Variants in CDH13 observed in about 807,000 individuals in gnomAD.
CDH13 encodes cadherin-13.
A neutral mutation model predicts 63.8 loss-of-function variants in CDH13; 24 were observed. That is an observed-to-expected ratio of 0.38 (90% CI 0.27 to 0.53). The LOEUF is 0.53. CDH13 is among the 20% of genes least tolerant of loss of function. The probability of loss-of-function intolerance (pLI) is 0.85; values close to 1 mark genes in which losing one functional copy is unlikely to be tolerated. For missense variants in CDH13, 1,049 were observed against 903.1 expected, an observed-to-expected ratio of 1.16 and a Z score of -2.07; for synonymous variants, 503 against 355.3, an observed-to-expected ratio of 1.42 and a Z score of -4.67.
At chr16:83,377,328 C>T (rs2091477908) in intron 6 of CDH13, among the ~76,000 whole-genome samples, 1 of 152,162 alleles carries the variant, frequency 6.6e-6, no homozygotes, top group Admixed American at 6.5e-5. Flanking sequence ...ACATCTGGCC[C>T]ACACCCAGCC....
At chr16:83,051,398 C>G (rs1442221605) in intron 3 of CDH13, among the ~76,000 whole-genome samples, 2 of 152,156 alleles carry the variant, frequency 1.3e-5, no homozygotes, top group African/African-American at 4.8e-5. Context: ...TCAGTAAAAC[C>G]AATAACTCTT....
At chr16:83,645,863 C>A (rs988484077) in intron 8 of CDH13, among the ~76,000 whole-genome samples, 15 of 152,116 alleles carry the variant, frequency 9.9e-5, no homozygotes, top group African/African-American at 3.4e-4. Flanking sequence ...TCAAAAAGAT[C>A]CTTCATCATA....
chr16:83,458,489 A>G (rs899131251), intron 6 of CDH13, among the ~76,000 whole-genome samples: 2 of 152,154 alleles, frequency 1.3e-5, no homozygotes, highest in Non-Finnish European at 2.9e-5. Flanking sequence ...TTGTTTTGAT[A>G]TGATTTTACA....
chr16:83,785,916 T>C (rs1374130365), intron 13 of CDH13, among the ~76,000 whole-genome samples: 1 of 152,136 alleles, frequency 6.6e-6, no homozygotes, highest in African/African-American at 2.4e-5. Context: ...TCTAACAGTG[T>C]CCTCCAATCT....
chr16:83,125,357 TAATC>T (rs755508562), intron 3 of CDH13, 24 bp from the exon 4 acceptor site: 1 of 1,227,710 alleles, frequency 8.1e-7, no homozygotes, highest in Admixed American at 1.8e-5. Flanking sequence ...TGGGAGATTT[TAATC>T]AATCCTTTTG....
intron 5 of CDH13, among the ~76,000 whole-genome samples, chr16:83,277,166 G>C (rs1236037261): frequency 3.3e-5 from 5 of 152,106 alleles, no homozygotes; most frequent in Non-Finnish European, 7.3e-5. Flanking sequence ...TGGATTCATT[G>C]GTACCTGTCT....
At chr16:82,727,615 C>T (rs2033171365) in intron 1 of CDH13, 3 of 152,270 alleles carry the variant, frequency 2.0e-5, no homozygotes, top group Admixed American at 2.0e-4. Context: ...TTCTTTCCCT[C>T]CTTGCTCATA....
chr16:82,684,362 C>G (rs1342743806), intron 1 of CDH13, among the ~76,000 whole-genome samples: 1 of 152,130 alleles, frequency 6.6e-6, no homozygotes, highest in African/African-American at 2.4e-5. Context: ...CATCATGTGT[C>G]TACAGCTGGG....
chr16:83,766,965 T>A (rs960808634), intron 11 of CDH13, among the ~76,000 whole-genome samples: 1 of 152,150 alleles, frequency 6.6e-6, no homozygotes, highest in Admixed American at 6.5e-5. Flanking sequence ...GCCATGATTG[T>A]AAGTTTCCTG....
At chr16:83,401,722 A>T (rs2091970994) in intron 6 of CDH13, among the ~76,000 whole-genome samples, 1 of 152,214 alleles carries the variant, frequency 6.6e-6, no homozygotes, top group Admixed American at 6.5e-5. Flanking sequence ...GTGACTGGTA[A>T]GTAGCAGAGC....
At chr16:83,614,127 A>T (rs932618898) in intron 8 of CDH13, among the ~76,000 whole-genome samples, 1 of 152,156 alleles carries the variant, frequency 6.6e-6, no homozygotes, top group African/African-American at 2.4e-5. Flanking sequence ...ATATATGAAA[A>T]TGTTTAGAGA....
At chr16:83,408,710 G>A (rs1253213313) in intron 6 of CDH13, among the ~76,000 whole-genome samples, 2 of 152,200 alleles carry the variant, frequency 1.3e-5, no homozygotes, top group Non-Finnish European at 2.9e-5. Context: ...GAATGTAGTA[G>A]TTGTCATTTG....
At chr16:82,802,011 G>GT (rs975306028) in intron 1 of CDH13, among the ~76,000 whole-genome samples, 4 of 152,214 alleles carry the variant, frequency 2.6e-5, no homozygotes, top group African/African-American at 9.6e-5. Flanking sequence ...CCATGGGCGG[G>GT]TGGGGCTCAG....
intron 3 of CDH13, among the ~76,000 whole-genome samples, chr16:83,055,030 A>T (rs184487053): frequency 9.2e-5 from 14 of 152,210 alleles, no homozygotes; most frequent in Non-Finnish European, 1.9e-4. Flanking sequence ...AATTAATAAC[A>T]AAAAAACTAA....
At chr16:83,470,786 C>T (rs1005119995) in intron 6 of CDH13, among the ~76,000 whole-genome samples, 2 of 152,178 alleles carry the variant, frequency 1.3e-5, no homozygotes, top group Non-Finnish European at 2.9e-5. Flanking sequence ...CTAGTATGAG[C>T]TTCCTTTTGT....
chr16:83,589,347 CTCCT>C (rs1367390765), intron 7 of CDH13, among the ~76,000 whole-genome samples: 1 of 142,810 alleles, frequency 7.0e-6, no homozygotes, highest in Non-Finnish European at 1.5e-5. Flanking sequence ...GTCTCCCTCC[CTCCT>C]CCCTCCCTTG....
intron 13 of CDH13, among the ~76,000 whole-genome samples, chr16:83,791,811 CAAAAAAAAAAAA>C (rs10548547): frequency 1.1e-5 from 1 of 94,902 alleles, no homozygotes; most frequent in East Asian, 3.1e-4. Flanking sequence ...ACTTTGTCTC[CAAAAAAAAAAAA>C]AAAAAAAAGC....
At chr16:83,213,157 C>T (rs1345725603) in intron 4 of CDH13, among the ~76,000 whole-genome samples, 1 of 152,102 alleles carries the variant, frequency 6.6e-6, no homozygotes, top group Non-Finnish European at 1.5e-5. Flanking sequence ...TGGCTTCTTT[C>T]CTGGGGAATA....
At chr16:83,188,569 G>C (rs1290110085) in intron 4 of CDH13, among the ~76,000 whole-genome samples, 1 of 152,160 alleles carries the variant, frequency 6.6e-6, no homozygotes, top group Non-Finnish European at 1.5e-5. Context: ...CCCCATGCCA[G>C]GCGTTGGCCA....
Sources: allele counts gnomAD v4.1 joint callset (sites outside exome capture counted in the v4.1 genomes callset), GRCh38; gene constraint gnomAD v4.1.1; transcripts MANE v1.5; gene names NCBI Gene and HGNC (gene_info 2026-07-23, HGNC 2026-07-21).